The following ENPP3 variants were observed in gnomAD, a reference collection of about 807,000 sequenced individuals.
The protein encoded by ENPP3 is ectonucleotide pyrophosphatase/phosphodiesterase family member 3.
Under a neutral mutation model 117.8 loss-of-function variants are expected in ENPP3, and 104 were observed. The ratio of observed to expected loss-of-function variants is 0.88; its 90% CI spans 0.75 to 1.04. The LOEUF (loss-of-function observed/expected upper bound fraction) is 1.04, where lower values mean the gene tolerates loss of function less well. ENPP3 is among the 50% of genes least tolerant of loss of function. The pLI, the probability that ENPP3 is intolerant of heterozygous loss-of-function variation, is 0.00. For synonymous variants in ENPP3, 380 were observed against 349.9 expected (o/e 1.09, Z -0.96); for missense variants, 1,026 against 1,051.9 (o/e 0.98, Z 0.34).
chr6:131,643,945 G>GTA lies in ENPP3; in HGVS notation c.154+2416_154+2417insAT, dbSNP rs532758300. On this transcript the variant is annotated intron_variant, in intron 2 of 24. Transcript: ENST00000357639. ...CGTCTGTGTGTGTGTGTGTGTGTCT[G>GTA]TGTGTGTGTGTGTGTGTGTGTGTGT... Among the ~76,000 whole-genome samples the GTA allele has an allele frequency of 4.6e-3, 619 of 134,624 alleles. 8 individuals carry two copies. Among genetic ancestry groups the GTA allele is most frequent in the Non-Finnish European group, 7.3e-3 (461 of 62,740 alleles). 88.3% of individuals were successfully genotyped at this position (134,624 alleles called of 152,430 possible). A position where few individuals can be genotyped will look rare whatever the true frequency, so the allele number is the denominator to read the frequency against.
intron 2 of ENPP3, 143 bp from the exon 3 acceptor site, chr6:131,649,884 A>G: frequency 1.2e-6 from 1 of 821,042 alleles, no homozygotes; most frequent in South Asian, 1.7e-5. Context: ...ATTACATTGT[A>G]TTGGCAGATC....
At chr6:131,706,522 A>G (rs997967094) in intron 15 of ENPP3, among the ~76,000 whole-genome samples, 5 of 150,890 alleles carry the variant, frequency 3.3e-5, no homozygotes, top group African/African-American at 9.9e-5. Flanking sequence ...TTGACCGCAC[A>G]TTTCTCAGAA....
At chr6:131,695,871 G>A (rs939159447) in intron 15 of ENPP3, among the ~76,000 whole-genome samples, 3 of 151,836 alleles carry the variant, frequency 2.0e-5, no homozygotes, top group African/African-American at 7.3e-5. Context: ...AGCCAAGATC[G>A]CACCACTGCA....
intron 19 of ENPP3, 56 bp downstream of exon 19, chr6:131,724,147 T>C: frequency 3.2e-6 from 4 of 1,260,056 alleles, no homozygotes; most frequent in South Asian, 1.2e-5. Context: ...CAAAACACAA[T>C]GTGGCCCTTT....
intron 7 of ENPP3, among the ~76,000 whole-genome samples, chr6:131,672,588 A>G (rs1451122355): frequency 1.3e-5 from 2 of 152,134 alleles, no homozygotes; most frequent in South Asian, 2.1e-4. Flanking sequence ...TCCTAGGAGC[A>G]ATGGTTCAGT....
intron 24 of ENPP3, among the ~76,000 whole-genome samples, chr6:131,746,169 G>A (rs1780631603): frequency 6.6e-6 from 1 of 151,914 alleles, no homozygotes; most frequent in Admixed American, 6.6e-5. Context: ...CTTGAACACA[G>A]GAGGCATATA....
intron 20 of ENPP3, among the ~76,000 whole-genome samples, chr6:131,729,489 T>C (rs1036849280): frequency 7.2e-5 from 11 of 152,204 alleles, no homozygotes; most frequent in Non-Finnish European, 8.8e-5. Context: ...ATACTCATCA[T>C]TTACTTCTCC....
chr6:131,739,454 CAAACATTTT>C (rs1780476614), intron 23 of ENPP3, among the ~76,000 whole-genome samples: 3 of 152,226 alleles, frequency 2.0e-5, no homozygotes, highest in South Asian at 4.1e-4. Flanking sequence ...AATGAAAGTC[CAAACATTTT>C]GTGGAAGTGC....
intron 20 of ENPP3, among the ~76,000 whole-genome samples, chr6:131,729,098 A>G (rs567825182): frequency 6.6e-6 from 1 of 152,218 alleles, no homozygotes; most frequent in South Asian, 2.1e-4. Context: ...ATCTATAGCT[A>G]TATGTCTATC....
At chr6:131,701,408 A>G (rs759484271) in intron 15 of ENPP3, 15 of 1,611,568 alleles carry the variant, frequency 9.3e-6, no homozygotes, top group African/African-American at 2.7e-5. Context: ...CCATATCCCT[A>G]TGACAGAGGA....
chr6:131,710,993 G>C, intron 15 of ENPP3: 1 of 1,582,494 alleles, frequency 6.3e-7, no homozygotes, highest in East Asian at 2.3e-5. Flanking sequence ...AGGTAGGGCT[G>C]AGGGGTAGCA....
intron 8 of ENPP3, 22 bp downstream of exon 8, chr6:131,674,303 G>A (rs753628566): frequency 3.1e-6 from 5 of 1,611,350 alleles, no homozygotes; most frequent in Middle Eastern, 1.6e-4. Context: ...TCTACACGTC[G>A]CAACTGAAGT....
chr6:131,661,417 C>T (rs1023683190), intron 6 of ENPP3, among the ~76,000 whole-genome samples: 1 of 151,958 alleles, frequency 6.6e-6, no homozygotes, highest in Non-Finnish European at 1.5e-5. Flanking sequence ...GATATCCTAA[C>T]AGATGTGACG....
intron 8 of ENPP3, among the ~76,000 whole-genome samples, chr6:131,674,715 A>G (rs1778827461): frequency 6.6e-6 from 1 of 151,664 alleles, no homozygotes; most frequent in Non-Finnish European, 1.5e-5. Flanking sequence ...GACTACAGGC[A>G]CGCACCACCA....
chr6:131,740,466 A>T (rs913682322), intron 24 of ENPP3, 86 bp downstream of exon 24: 11 of 1,039,444 alleles, frequency 1.1e-5, no homozygotes, highest in Middle Eastern at 4.4e-4. Flanking sequence ...TGACTAAAAC[A>T]TTTTTTTTAG....
chr6:131,740,253 C>G lies in ENPP3; in HGVS notation c.2330C>G (p.Pro777Arg). Residue 777 changes from proline to arginine, a missense_variant, in exon 24 of 25, where the codon CCA (proline) becomes CGA (arginine). Coordinates refer to ENST00000357639, the MANE Select transcript of ENPP3 (RefSeq NM_005021.5). ...TTAGCCAACACTGATGTTCCCATCC[C>G]AACACACTACTTTGTGGTGCTGACC... is the stretch of plus-strand genomic sequence containing the variant. ...KHLANTDVPIPTHYFVVLTSC... is the reference protein window; with the variant it reads ...KHLANTDVPIRTHYFVVLTSC... The G allele has an allele frequency of 6.2e-7, 1 of 1,608,482 alleles. No homozygotes were observed. Among genetic ancestry groups the G allele is most frequent in the African/African-American group, 1.3e-5 (1 of 74,782 alleles).
intron 14 of ENPP3, among the ~76,000 whole-genome samples, chr6:131,692,884 AT>A (rs1183616123): frequency 4.2e-5 from 6 of 142,434 alleles, no homozygotes; most frequent in African/African-American, 1.5e-4. Context: ...ATAGTTATAT[AT>A]TATACACTAT....
At chr6:131,737,475 A>G (rs750367708) in intron 22 of ENPP3, 43 bp downstream of exon 22, 4 of 1,069,826 alleles carry the variant, frequency 3.7e-6, no homozygotes, top group Non-Finnish European at 5.6e-6. Flanking sequence ...TAGTTAAGTG[A>G]CTCCTTGAAC....
chr6:131,724,232 A>AAAAAAAAAAAAAAAAAAC (rs1404351566), intron 19 of ENPP3, 141 bp downstream of exon 19: 3 of 608,900 alleles, frequency 4.9e-6, no homozygotes, highest in Admixed American at 3.2e-5. Flanking sequence ...AAGGTAAAAA[A>AAAAAAAAAAAAAAAAAAC]AAAAAAACTC....
Sources: allele counts gnomAD v4.1 joint callset (sites outside exome capture counted in the v4.1 genomes callset), GRCh38; gene constraint gnomAD v4.1.1; transcripts MANE v1.5; gene names NCBI Gene and HGNC (gene_info 2026-07-23, HGNC 2026-07-21).